Variants in ANKRD52 observed in about 807,000 individuals in gnomAD.
The protein encoded by ANKRD52 is serine/threonine-protein phosphatase 6 regulatory ankyrin repeat subunit C.
Under a neutral mutation model 116.0 loss-of-function variants are expected in ANKRD52, and 7 were observed. The ratio of observed to expected loss-of-function variants is 0.06; its 90% CI spans 0.03 to 0.11. The LOEUF is 0.11. ANKRD52 is among the 10% of genes least tolerant of loss of function. The probability of loss-of-function intolerance (pLI) is 1.00; values close to 1 mark genes in which losing one functional copy is unlikely to be tolerated. For missense variants in ANKRD52, 839 were observed against 1,408.6 expected (o/e 0.60, Z 6.47); for synonymous variants, 528 against 578.1 (o/e 0.91, Z 1.24).
At position 56,248,088 on chromosome 12, in the gene ANKRD52, G is replaced by A. The variant is rs747561006; in HGVS notation, c.1913C>T (p.Thr638Ile). 8 of 1,612,858 alleles carry A rather than the reference G, an allele frequency of 5.0e-6. No individual in the cohort carries two copies. Among genetic ancestry groups the A allele is most frequent in the Non-Finnish European group, 6.8e-6 (8 of 1,179,896 alleles). Reference sequence around the variant, plus strand: ...GATGAGGGCAGAGGCGCCGTGGGCTGTAAGCACCTCCACACACTCAGTAGA... The same window carrying A: ...GATGAGGGCAGAGGCGCCGTGGGCTATAAGCACCTCCACACACTCAGTAGA... ...RGSTECVEVL[T>I]AHGASALIKE... is the part of the protein sequence containing the mutation. Residue 638 changes from threonine (T) to isoleucine (I), a missense_variant, in exon 18 of 28, where the codon ACA becomes ATA. Transcript: ENST00000267116. The surrounding 1 kb of genome is among the most constrained non-coding windows in gnomAD (Gnocchi z 5.1).
Position 56,255,217 on chromosome 12 carries a change from G to A in ANKRD52, c.463-265C>T, listed in dbSNP as rs1396785415. 2 of 345,110 alleles carry A rather than the reference G, an allele frequency of 5.8e-6. No individual in the cohort carries two copies. Among genetic ancestry groups the A allele is most frequent in the African/African-American group, 4.3e-5 (2 of 46,254 alleles). The allele number at this position is 345,110 out of a possible 1,614,324, so 21.4% of individuals were successfully genotyped here. A position where few individuals can be genotyped will look rare whatever the true frequency, so the allele number is the denominator to read the frequency against. ...TCTTTTTTTTTTTTTTTTTGAGACA[G>A]TCTCGCTCTGTTACCCAGGCTGGAG... On this transcript the variant is annotated intron_variant, in intron 5 of 27. Transcript: ENST00000267116. The surrounding 1 kb of genome is among the most constrained non-coding windows in gnomAD (Gnocchi z 4.3).
At position 56,255,161 on chromosome 12, in the gene ANKRD52, G is replaced by A. The variant is rs1279918424; in HGVS notation, c.463-209C>T. ...TTGGAACTTTAAGGGAAACAAGAGA[G>A]TCTCTTCAGGTGATCTGGTGGTTCT... On this transcript the variant is annotated intron_variant, in intron 5 of 27. Transcript: ENST00000267116. This position sits in a 1 kb window ranked among gnomAD's most constrained non-coding sequence, Gnocchi z 4.3. The A allele has an allele frequency of 6.2e-6, 3 of 481,650 alleles. No individual in the cohort carries two copies. The East Asian group carries it at 9.4e-5, about 15-fold the overall frequency. The allele number at this position is 481,650 out of a possible 1,614,324, so 29.8% of individuals were successfully genotyped here.
At position 56,243,342 on chromosome 12, in the gene ANKRD52, G is replaced by A; in HGVS notation, c.3031C>T (p.Leu1011=). ...TTCATGGTGGAAAGGATCAAGGCCA[G>A]GCAGTCTGCCACATCTTTGTTGGGG... ...CAPNKDVADC[L]ALILSTMKPF... Residue 1011 remains leucine, a synonymous_variant, in exon 28 of 28, where the codon CTG becomes TTG. Coordinates refer to ENST00000267116, the MANE Select transcript of ANKRD52 (RefSeq NM_173595.4). This position sits in a 1 kb window ranked among gnomAD's most constrained non-coding sequence, Gnocchi z 4.6. 1.2e-6 allele frequency: 2 copies of A among 1,613,978 alleles called. No individual in the cohort carries two copies. Among genetic ancestry groups the A allele is most frequent in the Non-Finnish European group, 1.7e-6 (2 of 1,179,848 alleles).
At chr12:56,245,302 C>G (rs545534407) in intron 21 of ANKRD52, 75 bp downstream of exon 21, 28 of 1,602,666 alleles carry the variant, frequency 1.7e-5, no homozygotes, top group South Asian at 4.4e-5. Context: ...CAGGTCCCCC[C>G]CAACAACCCA....
Position 56,243,540 on chromosome 12 carries a change from G to T in ANKRD52, c.2981-148C>A. The stretch of plus-strand genomic sequence containing the variant: ...TCCAAGGGTGACGAGGGCCCAGGAA[G>T]GCTGACAGGCAGATTCTCTAAGTAC... On this transcript the variant is annotated intron_variant, in intron 27 of 27. Transcript: ENST00000267116. The surrounding 1 kb of genome is among the most constrained non-coding windows in gnomAD (Gnocchi z 4.6). The T allele has an allele frequency of 8.0e-7, 1 of 1,251,796 alleles. No individual in the cohort carries two copies. Among genetic ancestry groups the T allele is most frequent in the Non-Finnish European group, 1.1e-6 (1 of 917,242 alleles). 77.5% of individuals were successfully genotyped at this position (1,251,796 alleles called of 1,614,324 possible). A position where few individuals can be genotyped will look rare whatever the true frequency, so the allele number is the denominator to read the frequency against.
Position 56,255,626 on chromosome 12 carries a change from T to A in ANKRD52, c.462+158A>T, listed in dbSNP as rs1251039439. Among the ~76,000 whole-genome samples the A allele has an allele frequency of 6.6e-6, 1 of 152,244 alleles. No individual in the cohort carries two copies. Among genetic ancestry groups the A allele is most frequent in the Non-Finnish European group, 1.5e-5 (1 of 68,046 alleles). ...CTGAAGTCCAAGTTAAGAATTTTAA[T>A]CTAGTCTGACCATTCATTTAGTGCT... On this transcript the variant is annotated intron_variant, in intron 5 of 27. Transcript: ENST00000267116. This position sits in a 1 kb window ranked among gnomAD's most constrained non-coding sequence, Gnocchi z 4.3.
At chr12:56,257,677 C>T in intron 2 of ANKRD52, 151 bp downstream of exon 2, 1 of 786,182 alleles carries the variant, frequency 1.3e-6, no homozygotes, top group Non-Finnish European at 2.1e-6. Context: ...GCTCTCCATC[C>T]CCAAATGCAG....
intron 20 of ANKRD52, 70 bp downstream of exon 20, chr12:56,247,423 A>T: frequency 7.9e-7 from 1 of 1,261,260 alleles, no homozygotes; most frequent in Non-Finnish European, 1.1e-6. Context: ...TGGATTCCCT[A>T]CTGCTGGTGA....
chr12:56,255,333 G>C lies in ANKRD52; in HGVS notation c.463-381C>G, dbSNP rs1254720257. On this transcript the variant is annotated intron_variant, in intron 5 of 27. Transcript: ENST00000267116. This position sits in a 1 kb window ranked among gnomAD's most constrained non-coding sequence, Gnocchi z 4.3. ...AGTCTCCCGAGTAGCTGGGACTACA[G>C]GCGGCCGCCACCACACCCGGCTAAT... Among the ~76,000 whole-genome samples the C allele has an allele frequency of 6.6e-6, 1 of 152,044 alleles. No homozygotes were observed. Among genetic ancestry groups the C allele is most frequent in the Non-Finnish European group, 1.5e-5 (1 of 68,018 alleles).
intron 2 of ANKRD52, 22 bp downstream of exon 2, chr12:56,257,806 A>C (rs752915773): frequency 5.0e-6 from 8 of 1,611,812 alleles, no homozygotes; most frequent in Non-Finnish European, 6.8e-6. Flanking sequence ...CGGTCTCGCC[A>C]TCCTCCCTGC....
At chr12:56,249,258 A>C (rs1202319775) in intron 15 of ANKRD52, among the ~76,000 whole-genome samples, 1 of 152,172 alleles carries the variant, frequency 6.6e-6, no homozygotes, top group African/African-American at 2.4e-5. Context: ...TCTCAAACTC[A>C]GTCCCAGCTT....
rs773014082 is a variant in ANKRD52, at chr12:56,252,548, G to A, written c.1324C>T (p.Leu442=). ...SGGNVECLNL[L]LSSGADLRRR... is the part of the protein sequence containing the mutation. Reference sequence around the variant, plus strand: ...CTCAAGTCAGCTCCACTGCTCAACAGCAAATTAAGACATTCAACATTCCTA... The same window carrying A: ...CTCAAGTCAGCTCCACTGCTCAACAACAAATTAAGACATTCAACATTCCTA... Residue 442 remains leucine, a synonymous_variant, in exon 13 of 28, where the codon CTG becomes TTG. Coordinates refer to ENST00000267116, the MANE Select transcript of ANKRD52 (RefSeq NM_173595.4). The surrounding 1 kb of genome is among the most constrained non-coding windows in gnomAD (Gnocchi z 4.7). The A allele has an allele frequency of 4.0e-5, 65 of 1,613,752 alleles. No homozygotes were observed. The highest frequency in any genetic ancestry group is 5.3e-5 in the Non-Finnish European group (63 of 1,179,866).
Position 56,250,205 on chromosome 12 carries a change from A to T in ANKRD52, c.1593-1335T>A, listed in dbSNP as rs937144512. ...GAGCAAGACTCCATCTCAAATAAAT[A>T]AATAAATTAATTAATTTATTTATTT... is the stretch of plus-strand genomic sequence containing the variant. On this transcript the variant is annotated intron_variant, in intron 15 of 27. Transcript: ENST00000267116. 3.3e-5 allele frequency among the ~76,000 whole-genome samples: 5 copies of T among 151,650 alleles called. No individual in the cohort carries two copies. The East Asian group carries it at 5.8e-4, about 18-fold the overall frequency.
At position 56,250,670 on chromosome 12, in the gene ANKRD52, G is replaced by A. The variant is rs189828861; in HGVS notation, c.1592+1345C>T. ...AGTCTGAGGCAGGAGGATTGCTTGA[G>A]CCCAGGAGTTCGAGACCAGTGTGGG... is the stretch of plus-strand genomic sequence containing the variant. On this transcript the variant is annotated intron_variant, in intron 15 of 27. Transcript: ENST00000267116. Among the ~76,000 whole-genome samples the A allele has an allele frequency of 4.9e-3, 728 of 149,864 alleles. 2 individuals are homozygous for A. Among genetic ancestry groups the A allele is most frequent in the Middle Eastern group, 0.014 (4 of 290 alleles).
Position 56,245,275 on chromosome 12 carries a change from C to T in ANKRD52, c.2405-85G>A, listed in dbSNP as rs1021319253. On this transcript the variant is annotated intron_variant, in intron 21 of 27. Transcript: ENST00000267116. ...TGTGTCTTGACACTCCATTCCACTT[C>T]CAGATTCAGATCAACCCAGGTCCCC... is the stretch of plus-strand genomic sequence containing the variant. 1.9e-6 allele frequency: 3 copies of T among 1,601,132 alleles called. No individual in the cohort carries two copies. In the East Asian group the frequency reaches 6.7e-5, roughly 36 times the overall value.
Position 56,257,855 on chromosome 12 carries a change from G to A in ANKRD52, c.84C>T (p.Leu28=), listed in dbSNP as rs1454505447. ...GCACATTGATGTTCTCCTTCTGCGA[G>A]AGTAGGGAACGCACTTCCTCCACAT... is the stretch of plus-strand genomic sequence containing the variant. ...SRDVEEVRSL[L]SQKENINVLD... The change falls in exon 2 of 28, where the codon CTC becomes CTT. Residue 28 remains leucine (L), a synonymous_variant. Transcript: ENST00000267116. 1.2e-6 allele frequency: 2 copies of A among 1,613,810 alleles called. No homozygotes were observed. Among genetic ancestry groups the A allele is most frequent in the Non-Finnish European group, 1.7e-6 (2 of 1,179,842 alleles).
chr12:56,244,297 C>G lies in ANKRD52; in HGVS notation c.2805+56G>C. 1 of 1,589,368 alleles carries G rather than the reference C, an allele frequency of 6.3e-7. No homozygotes were observed. On this transcript the variant is annotated intron_variant, in intron 25 of 27. Coordinates refer to ENST00000267116, the MANE Select transcript of ANKRD52 (RefSeq NM_173595.4). This position sits in a 1 kb window ranked among gnomAD's most constrained non-coding sequence, Gnocchi z 4.9. ...AGTCCCCTCTGCAACCGAGACTTAC[C>G]TCTCTTCATCAAGCTCTGCCCCTTA...
intron 20 of ANKRD52, among the ~76,000 whole-genome samples, chr12:56,246,264 A>G (rs532206216): frequency 1.3e-5 from 2 of 151,918 alleles, no homozygotes; most frequent in Admixed American, 6.5e-5. Context: ...TCCTGACTTC[A>G]GGTGATCTGC....
chr12:56,243,333 T>C lies in ANKRD52; in HGVS notation c.3040A>G (p.Ile1014Val), dbSNP rs751255765. The change falls in exon 28 of 28, where the codon ATC (isoleucine) becomes GTC (valine). Residue 1014 changes from isoleucine (I) to valine (V), a missense_variant. By Grantham distance (29) the Ile-to-Val change is conservative (BLOSUM62 3). Coordinates refer to ENST00000267116, the MANE Select transcript of ANKRD52 (RefSeq NM_173595.4). This position sits in a 1 kb window ranked among gnomAD's most constrained non-coding sequence, Gnocchi z 4.6. Reference protein sequence around the residue: ...NKDVADCLALILSTMKPFPPK... With the variant: ...NKDVADCLALVLSTMKPFPPK... ...GGGAAAGGCTTCATGGTGGAAAGGATCAAGGCCAGGCAGTCTGCCACATCT... is the reference window on the plus strand; with the variant it reads ...GGGAAAGGCTTCATGGTGGAAAGGACCAAGGCCAGGCAGTCTGCCACATCT... 3 of 1,613,910 alleles carry C rather than the reference T, an allele frequency of 1.9e-6. No homozygotes were observed. The Admixed American group carries it at 5.0e-5, about 27-fold the overall frequency.
Sources: gnomAD v4.1 joint callset for allele counts (sites outside exome capture counted in the v4.1 genomes callset) on GRCh38, gnomAD v4.1.1 for gene constraint, Gnocchi (gnomAD v3.1) non-coding constraint, MANE v1.5 for transcripts, NCBI Gene and HGNC (gene_info 2026-07-23, HGNC 2026-07-21) for gene names.